Variants in ULK2 observed in about 807,000 individuals in gnomAD.
The protein encoded by ULK2 is serine/threonine-protein kinase ULK2.
Under a neutral mutation model 127.5 loss-of-function variants are expected in ULK2, and 76 were observed. The observed-to-expected ratio is 0.60, with a 90% confidence interval of 0.50 to 0.72. The LOEUF is 0.72. Among genes scored for constraint, ULK2 ranks in the 30% least tolerant of loss-of-function variants. ULK2 has a pLI of 0.00. For missense variants in ULK2, 1,144 were observed against 1,295.9 expected (o/e 0.88, Z 1.80); for synonymous variants, 452 against 461.9 (o/e 0.98, Z 0.28).
rs200407143 is a variant in ULK2, at chr17:19,801,959, G to A, written c.1296-37C>T. ...ATTATTCCTTCTATAAAAGGTTCTAGAACTCTCTTTTTATTCCTGCATTTT... is the reference window on the plus strand; with the variant it reads ...ATTATTCCTTCTATAAAAGGTTCTAAAACTCTCTTTTTATTCCTGCATTTT... On this transcript the variant is annotated intron_variant, in intron 15 of 26. Coordinates refer to ENST00000395544, the MANE Select transcript of ULK2 (RefSeq NM_014683.4). 39 of 1,549,154 alleles carry A rather than the reference G, an allele frequency of 2.5e-5. No homozygotes were observed. The East Asian group carries it at 8.3e-4, about 33-fold the overall frequency.
chr17:19,833,966 A>G (rs759951881), intron 10 of ULK2, among the ~76,000 whole-genome samples: 1 of 152,214 alleles, frequency 6.6e-6, no homozygotes, highest in Non-Finnish European at 1.5e-5. Context: ...AAAAAGATCA[A>G]TAAACTCCAG....
rs1287828910 is a variant in ULK2, at chr17:19,801,818, A to G, written c.1400T>C (p.Leu467Pro). ...GTAAGGCCTAGAAGACCCAGTGGAG[A>G]GCCTTCGTCCAACTGTCTGTGCTGT... is the stretch of plus-strand genomic sequence containing the variant. ...ADTAQTVGRR[L>P]STGSSRPYSP... Residue 467 changes from leucine to proline, a missense_variant, in exon 16 of 27, where the codon CTC becomes CCC. Leu to Pro is a moderately conservative substitution (Grantham distance 98). This residue lies in a region of ULK2 where 913 missense variants were observed against 970.5 expected (regional missense o/e 0.94). Coordinates refer to ENST00000395544, the MANE Select transcript of ULK2 (RefSeq NM_014683.4). The G allele has an allele frequency of 1.2e-6, 2 of 1,614,174 alleles. No homozygotes were observed. Among genetic ancestry groups the G allele is most frequent in the Admixed American group, 1.7e-5 (1 of 60,014 alleles).
intron 3 of ULK2, among the ~76,000 whole-genome samples, chr17:19,857,667 A>T (rs2042162350): frequency 6.6e-6 from 1 of 152,210 alleles, no homozygotes; most frequent in Non-Finnish European, 1.5e-5. Context: ...AAGTGAAAGT[A>T]CTTATCTCAT....
intron 18 of ULK2, among the ~76,000 whole-genome samples, chr17:19,797,180 T>C (rs564887403): frequency 3.6e-4 from 55 of 152,066 alleles, no homozygotes; most frequent in African/African-American, 1.3e-3. Flanking sequence ...GCCTGTAATC[T>C]CAGCTACTCG....
intron 10 of ULK2, among the ~76,000 whole-genome samples, chr17:19,830,953 G>A (rs551126585): frequency 6.0e-5 from 9 of 150,176 alleles, no homozygotes; most frequent in South Asian, 2.1e-4. Flanking sequence ...CTTGAACCCC[G>A]GAAGTGGAGG....
Position 19,867,337 on chromosome 17 carries a change from C to A in ULK2, c.81G>T (p.Arg27=), listed in dbSNP as rs754231380. Residue 27 remains arginine, a synonymous_variant, in exon 1 of 27, where the codon CGG becomes CGT. Coordinates refer to ENST00000395544, the MANE Select transcript of ULK2 (RefSeq NM_014683.4). The stretch of plus-strand genomic sequence containing the variant: ...CCCGGCCGGCGCTCACCTGGCGGTG[C>A]CGCCCCCGGAAGACCACGGCGAAGG... ...HGAFAVVFRG[R]HRQKTDWEVA... The A allele has an allele frequency of 6.3e-7, 1 of 1,596,530 alleles. No homozygotes were observed. The highest frequency in any genetic ancestry group is 2.3e-5 in the East Asian group (1 of 43,452).
rs995493703 is a variant in ULK2 at position 19,773,630 on chromosome 17, A to T, written c.*2719T>A. 1.3e-5 allele frequency: 2 copies of T among 152,248 alleles called. No individual in the cohort carries two copies. Among genetic ancestry groups the T allele is most frequent in the Non-Finnish European group, 2.9e-5 (2 of 68,064 alleles). The allele number at this position is 152,248 out of a possible 1,614,324, so 9.4% of individuals were successfully genotyped here. On this transcript the variant is annotated 3_prime_UTR_variant, in exon 27 of 27. Coordinates refer to ENST00000395544, the MANE Select transcript of ULK2 (RefSeq NM_014683.4). ...GTTGCAAATGCTGAGTGGAGAGGAG[A>T]AAGCCTCAGCAGAGAGGCGAGCTGG...
intron 10 of ULK2, among the ~76,000 whole-genome samples, chr17:19,835,577 C>T (rs1190414736): frequency 2.0e-5 from 3 of 150,624 alleles, no homozygotes; most frequent in African/African-American, 7.3e-5. Context: ...ATTAGCCAGG[C>T]GTGGTGGCAG....
At chr17:19,856,349 G>C (rs1190036874) in intron 3 of ULK2, among the ~76,000 whole-genome samples, 1 of 152,002 alleles carries the variant, frequency 6.6e-6, no homozygotes, top group Non-Finnish European at 1.5e-5. Context: ...TTGGGAGGCC[G>C]AGGCAGGCGG....
At chr17:19,812,822 T>A (rs3098902) in intron 13 of ULK2, among the ~76,000 whole-genome samples, 136,139 of 152,166 alleles carry the variant, frequency 0.89, 61,622 homozygotes, top group Non-Finnish European at 0.97. Flanking sequence ...ATACAACGTA[T>A]TTTTTTATAT....
intron 20 of ULK2, among the ~76,000 whole-genome samples, chr17:19,793,593 A>G (rs554849248): frequency 6.6e-6 from 1 of 152,314 alleles, no homozygotes; most frequent in East Asian, 1.9e-4. Context: ...AGAGTTAGGC[A>G]AGGTCCAGAT....
intron 20 of ULK2, 139 bp from the exon 21 acceptor site, chr17:19,786,225 A>C: frequency 1.5e-6 from 1 of 672,964 alleles, no homozygotes; most frequent in Non-Finnish European, 2.3e-6. Flanking sequence ...AAAAGTACTT[A>C]TTGCTCTTAA....
intron 1 of ULK2, 87 bp downstream of exon 1, chr17:19,867,241 T>G: frequency 9.3e-7 from 1 of 1,070,404 alleles, no homozygotes; most frequent in Non-Finnish European, 1.3e-6. Flanking sequence ...GAGTCGGGGG[T>G]CTCGGCTCGC....
intron 8 of ULK2, 127 bp from the exon 9 acceptor site, chr17:19,841,674 G>C: frequency 3.2e-6 from 2 of 631,752 alleles, no homozygotes; most frequent in East Asian, 3.1e-5. Context: ...AGGGACTGCT[G>C]ACAGGAAAGG....
intron 3 of ULK2, among the ~76,000 whole-genome samples, chr17:19,852,329 G>C (rs192650155): frequency 2.6e-4 from 40 of 151,220 alleles, no homozygotes; most frequent in African/African-American, 9.5e-4. Flanking sequence ...AGACCATCGT[G>C]GCTAACGCGG....
At position 19,776,069 on chromosome 17, in the gene ULK2, C is replaced by T. The variant is rs1298624421; in HGVS notation, c.*280G>A. ...AATAACTGTACCGATTATCCTAGTT[C>T]TAAGGTACATTTATTCACCAAGTCC... On this transcript the variant is annotated 3_prime_UTR_variant, in exon 27 of 27. Coordinates refer to ENST00000395544, the MANE Select transcript of ULK2 (RefSeq NM_014683.4). 2.4e-6 allele frequency: 1 copy of T among 411,750 alleles called. No homozygotes were observed. Among genetic ancestry groups the T allele is most frequent in the Non-Finnish European group, 4.3e-6 (1 of 230,354 alleles). The allele number at this position is 411,750 out of a possible 1,614,324, so 25.5% of individuals were successfully genotyped here.
intron 25 of ULK2, among the ~76,000 whole-genome samples, chr17:19,779,534 A>C (rs1461772850): frequency 2.6e-3 from 10 of 3,828 alleles, no homozygotes; most frequent in Non-Finnish European, 2.0e-3. Context: ...TCCATCTCAA[A>C]AAAAAAAAAA....
At position 19,801,881 on chromosome 17, in the gene ULK2, A is replaced by C. The variant is rs762655280; in HGVS notation, c.1337T>G (p.Phe446Cys). ...VRRSNTSPMG[F>C]LRPGSCSPVP... is the part of the protein sequence containing the mutation. ...TGGGGAGCATGATCCCGGCCGGAGG[A>C]AGCCCATGGGGCTGGTGTTGGACCT... Residue 446 changes from phenylalanine (F) to cysteine (C), a missense_variant, in exon 16 of 27, where the codon TTC becomes TGC. By Grantham distance (205) the Phe-to-Cys change is radical. Around this residue, in one of 2 missense-constraint regions of ULK2, gnomAD observed 913 missense variants for 970.5 expected, o/e 0.94. Transcript: ENST00000395544. 6.2e-7 allele frequency: 1 copy of C among 1,613,968 alleles called. No individual in the cohort carries two copies. Among genetic ancestry groups the C allele is most frequent in the South Asian group, 1.1e-5 (1 of 91,046 alleles).
At chr17:19,816,627 C>A in intron 13 of ULK2, 122 bp downstream of exon 13, 2 of 858,658 alleles carry the variant, frequency 2.3e-6, no homozygotes, top group Non-Finnish European at 3.2e-6. Context: ...ATTCAAACAA[C>A]TAAATAAAAT....
Sources: gnomAD v4.1 joint callset for allele counts (sites outside exome capture counted in the v4.1 genomes callset) on GRCh38, gnomAD v4.1.1 for gene constraint, gnomAD v4.1.1 regional missense constraint, MANE v1.5 for transcripts, NCBI Gene and HGNC (gene_info 2026-07-23, HGNC 2026-07-21) for gene names.